YEATS2: variants seen among roughly 807,000 people sequenced by gnomAD.
The protein encoded by YEATS2 is YEATS domain-containing protein 2.
A neutral mutation model predicts 163.2 loss-of-function variants in YEATS2; 77 were observed. The ratio of observed to expected loss-of-function variants is 0.47; its 90% CI spans 0.39 to 0.57. YEATS2 has a LOEUF of 0.57. Among genes scored for constraint, YEATS2 ranks in the 20% least tolerant of loss-of-function variants. The pLI is 0.00. For synonymous variants in YEATS2, 631 were observed against 645.1 expected, an observed-to-expected ratio of 0.98 and a Z score of 0.33; for missense variants, 1,549 against 1,729.8, an observed-to-expected ratio of 0.90 and a Z score of 1.85.
chr3:183,806,781 TCCTCAGA>T (rs1726250746), intron 27 of YEATS2, 78 bp from the exon 28 acceptor site: 1 of 1,408,662 alleles, frequency 7.1e-7, no homozygotes, highest in Non-Finnish European at 9.8e-7. Context: ...TTATCCCCCT[TCCTCAGA>T]CCATGGGTCT....
At chr3:183,775,447 T>C (rs1722887525) in intron 17 of YEATS2, among the ~76,000 whole-genome samples, 1 of 152,070 alleles carries the variant, frequency 6.6e-6, no homozygotes, top group South Asian at 2.1e-4. Context: ...AATACAAAAT[T>C]AGCTGGGCAT....
chr3:183,802,506 T>TG (rs1553884456), intron 25 of YEATS2: 1 of 150,370 alleles, frequency 6.7e-6, no homozygotes, highest in Admixed American at 6.6e-5. Flanking sequence ...TGTGTGTGTG[T>TG]GTGTATACAT....
At chr3:183,718,698 T>A in intron 4 of YEATS2, 106 bp downstream of exon 4, 1 of 1,028,538 alleles carries the variant, frequency 9.7e-7, no homozygotes, top group Admixed American at 3.1e-5. Context: ...TCTTTCTGTT[T>A]GTTTTTTGGT....
chr3:183,792,366 G>T (rs1476416783), intron 21 of YEATS2, among the ~76,000 whole-genome samples: 2 of 152,026 alleles, frequency 1.3e-5, no homozygotes, highest in Non-Finnish European at 2.9e-5. Flanking sequence ...TCATTGTTCA[G>T]TTCCCACTTA....
At position 183,773,789 on chromosome 3, in the gene YEATS2, A is replaced by G. The variant is rs980959019; in HGVS notation, c.2363A>G (p.Asn788Ser). 14 of 1,602,480 alleles carry G rather than the reference A, an allele frequency of 8.7e-6. No homozygotes were observed. Among genetic ancestry groups the G allele is most frequent in the Admixed American group, 1.8e-5 (1 of 56,568 alleles). ...GGAGCCATCCTGCGAGCTACGAACA[A>G]TGCTAGTTAGTGAAACCATTGGGTT... ...PQGAILRATN[N>S]ANLQSGSAAS... Residue 788 changes from asparagine (N) to serine (S), a missense_variant, in exon 17 of 31, where the codon AAT becomes AGT. Physicochemically the swap from Asn to Ser is conservative, Grantham distance 46 (BLOSUM62 1). Transcript: ENST00000305135.
chr3:183,781,673 A>T (rs1723574795), intron 19 of YEATS2, among the ~76,000 whole-genome samples: 1 of 152,222 alleles, frequency 6.6e-6, no homozygotes, highest in Non-Finnish European at 1.5e-5. Flanking sequence ...CCTTAAAGAT[A>T]TAATAAAATA....
chr3:183,752,118 A>T lies in YEATS2; in HGVS notation c.1015A>T (p.Ile339Phe). The T allele has an allele frequency of 6.2e-7, 1 of 1,614,134 alleles. No homozygotes were observed. Residue 339 changes from isoleucine (I) to phenylalanine (F), a missense_variant, in exon 10 of 31, where the codon ATC (isoleucine) becomes TTC (phenylalanine). Physicochemically the swap from Ile to Phe is conservative, Grantham distance 21. Coordinates refer to ENST00000305135, the MANE Select transcript of YEATS2 (RefSeq NM_018023.5). ...TCGCCATTCTCTCGGAGAAGACTGTATCTATCCTCAGTCCTCGGAGTCTGA... is the reference window on the plus strand; with the variant it reads ...TCGCCATTCTCTCGGAGAAGACTGTTTCTATCCTCAGTCCTCGGAGTCTGA... Reference protein sequence around the residue: ...LHRHSLGEDCIYPQSSESDIS... With the variant: ...LHRHSLGEDCFYPQSSESDIS...
chr3:183,730,564 G>C (rs80323688), intron 7 of YEATS2, among the ~76,000 whole-genome samples: 7,316 of 152,190 alleles, frequency 0.048, 249 homozygotes, highest in Non-Finnish European at 0.069. Flanking sequence ...ACTGGGCCTG[G>C]GGGTGGGGTG....
intron 9 of YEATS2, among the ~76,000 whole-genome samples, chr3:183,749,744 CCTT>C (rs1317141068): frequency 6.6e-6 from 1 of 152,196 alleles, no homozygotes; most frequent in Non-Finnish European, 1.5e-5. Context: ...AGTAATCTGT[CCTT>C]AGCCTGTCAG....
chr3:183,766,580 A>G (rs1406588735), intron 15 of YEATS2, among the ~76,000 whole-genome samples: 1 of 152,190 alleles, frequency 6.6e-6, no homozygotes, highest in Non-Finnish European at 1.5e-5. Context: ...CTGCTTTCTC[A>G]AGCTAGCAGG....
chr3:183,787,825 G>A (rs1233680949), intron 20 of YEATS2, among the ~76,000 whole-genome samples: 4 of 151,466 alleles, frequency 2.6e-5, no homozygotes, highest in African/African-American at 7.3e-5. Context: ...TGAAACCCCC[G>A]TCTCTACTAA....
intron 19 of YEATS2, among the ~76,000 whole-genome samples, chr3:183,783,390 G>C (rs1012950291): frequency 2.5e-4 from 38 of 152,212 alleles, no homozygotes; most frequent in African/African-American, 8.7e-4. Context: ...TTGCGTTGTT[G>C]CTGCTGTTTT....
At position 183,725,442 on chromosome 3, in the gene YEATS2, C is replaced by T. The variant is rs571185615; in HGVS notation, c.650+911C>T. Reference sequence around the variant, plus strand: ...TTCACACTGCTAATATAGACATACTCGAGACTGGGTAATTTATAAAGGAAA... The same window carrying T: ...TTCACACTGCTAATATAGACATACTTGAGACTGGGTAATTTATAAAGGAAA... On this transcript the variant is annotated intron_variant, in intron 6 of 30. Coordinates refer to ENST00000305135, the MANE Select transcript of YEATS2 (RefSeq NM_018023.5). Among the ~76,000 whole-genome samples the T allele has an allele frequency of 1.2e-4, 18 of 152,208 alleles. 1 individual carries two copies. The East Asian group carries it at 3.5e-3, about 29-fold the overall frequency.
At chr3:183,716,969 T>A (rs185910715) in intron 2 of YEATS2, among the ~76,000 whole-genome samples, 150 of 151,984 alleles carry the variant, frequency 9.9e-4, no homozygotes, top group African/African-American at 3.5e-3. Context: ...CTCGGCTCAC[T>A]GCCACCTCTG....
intron 15 of YEATS2, among the ~76,000 whole-genome samples, chr3:183,768,772 A>T (rs1198342393): frequency 6.6e-6 from 1 of 152,164 alleles, no homozygotes; most frequent in African/African-American, 2.4e-5. Context: ...CGGGAGTTCA[A>T]GATCAGCCTG....
chr3:183,770,469 A>G (rs1460463078), intron 15 of YEATS2, among the ~76,000 whole-genome samples: 1 of 152,156 alleles, frequency 6.6e-6, no homozygotes, highest in African/African-American at 2.4e-5. Flanking sequence ...ATCTTATTTT[A>G]AAATTTAGAA....
At chr3:183,798,595 C>T (rs931386821) in intron 22 of YEATS2, among the ~76,000 whole-genome samples, 2 of 152,156 alleles carry the variant, frequency 1.3e-5, no homozygotes, top group Admixed American at 6.5e-5. Flanking sequence ...CTCAGGTGAT[C>T]CACCCGCCTC....
At chr3:183,716,109 G>C (rs751195806) in intron 2 of YEATS2, among the ~76,000 whole-genome samples, 1 of 151,970 alleles carries the variant, frequency 6.6e-6, no homozygotes, top group Non-Finnish European at 1.5e-5. Flanking sequence ...ACAGGCACCC[G>C]CCACCACGCC....
At position 183,723,259 on chromosome 3, in the gene YEATS2, A is replaced by T. The variant is rs562901004; in HGVS notation, c.537+1123A>T. Among the ~76,000 whole-genome samples the T allele has an allele frequency of 3.3e-5, 5 of 152,282 alleles. No individual in the cohort carries two copies. In the South Asian group the frequency reaches 1.0e-3, roughly 32 times the overall value. On this transcript the variant is annotated intron_variant, in intron 5 of 30. Transcript: ENST00000305135. ...GTAATTTGAGCTCCCATCTCAAGCT[A>T]CTCTGAACTTCTTGAAAAATATTTG...
Sources: allele counts gnomAD v4.1 joint callset (sites outside exome capture counted in the v4.1 genomes callset), GRCh38; gene constraint gnomAD v4.1.1; transcripts MANE v1.5; gene names NCBI Gene and HGNC (gene_info 2026-07-23, HGNC 2026-07-21).